PDE8B: variants seen among roughly 807,000 people sequenced by gnomAD.
PDE8B encodes the protein phosphodiesterase 8B.
Under a neutral mutation model 101.3 loss-of-function variants are expected in PDE8B, and 26 were observed. The observed-to-expected ratio is 0.26, with a 90% CI of 0.19 to 0.36. The LOEUF (loss-of-function observed/expected upper bound fraction) is 0.36. PDE8B is among the 10% of genes least tolerant of loss of function. The pLI is 1.00. For missense variants in PDE8B, 810 were observed against 1,163.1 expected (o/e 0.70, Z 4.42); for synonymous variants, 424 against 429.3 (o/e 0.99, Z 0.15).
the PDE8B span, among the ~76,000 whole-genome samples, chr5:77,136,651 C>T: frequency 6.6e-6 from 1 of 152,140 alleles, no homozygotes; most frequent in South Asian, 2.1e-4. Context: ...GGGAGAAACT[C>T]AGATGTCAAT....
At chr5:77,231,550 A>G (rs539464754) in intron 1 of PDE8B, among the ~76,000 whole-genome samples, 93 of 152,330 alleles carry the variant, frequency 6.1e-4, no homozygotes, top group Non-Finnish European at 1.1e-3. Flanking sequence ...TAATGGTAAC[A>G]ATGTCAAAAG....
chr5:77,099,970 G>A, the PDE8B span, among the ~76,000 whole-genome samples: 4 of 152,144 alleles, frequency 2.6e-5, no homozygotes, highest in Non-Finnish European at 4.4e-5. Context: ...GAAAGAAATG[G>A]CTCTTTTCCT....
intron 1 of PDE8B, among the ~76,000 whole-genome samples, chr5:77,308,981 C>A (rs1010108550): frequency 6.6e-6 from 1 of 151,956 alleles, no homozygotes; most frequent in Non-Finnish European, 1.5e-5. Context: ...GAGTTTGAAA[C>A]CACCCTGGCC....
the PDE8B span, among the ~76,000 whole-genome samples, chr5:77,096,253 T>C: frequency 6.6e-6 from 1 of 152,310 alleles, no homozygotes; most frequent in African/African-American, 2.4e-5. Context: ...CCTCCCAAAG[T>C]GTTGGGATTA....
chr5:77,410,765 C>T (rs1401093039), intron 14 of PDE8B: 1 of 152,160 alleles, frequency 6.6e-6, no homozygotes, highest in Non-Finnish European at 1.5e-5. Context: ...GGGAGTCCTT[C>T]ATTAATTAAT....
intron 11 of PDE8B, among the ~76,000 whole-genome samples, chr5:77,403,840 CAG>C (rs1490045836): frequency 1.3e-5 from 2 of 150,480 alleles, no homozygotes; most frequent in Admixed American, 1.3e-4. Flanking sequence ...TTTTTGGAGA[CAG>C]AGTTTCACTC....
At chr5:77,353,503 CATG>C in intron 10 of PDE8B, 97 bp downstream of exon 10, 1 of 810,532 alleles carries the variant, frequency 1.2e-6, no homozygotes, top group East Asian at 2.4e-5. Context: ...TGTCTTTCTC[CATG>C]TCTAATTGTA....
chr5:77,102,601 G>A, the PDE8B span, among the ~76,000 whole-genome samples: 3 of 152,222 alleles, frequency 2.0e-5, no homozygotes, highest in Non-Finnish European at 4.4e-5. Context: ...TGTGACTCCA[G>A]CTTGGGTTCC....
At chr5:77,088,033 T>C in the PDE8B span, 1 of 152,234 alleles carries the variant, frequency 6.6e-6, no homozygotes, top group African/African-American at 2.4e-5. Context: ...ACCCCTCTCT[T>C]AAGGAAGCCT....
intron 1 of PDE8B, among the ~76,000 whole-genome samples, chr5:77,250,448 G>A (rs528058782): frequency 9.2e-5 from 14 of 152,274 alleles, no homozygotes; most frequent in Admixed American, 5.9e-4. Flanking sequence ...ACCTGGGACA[G>A]GGACACTTTT....
At chr5:77,225,635 C>CT (rs1580418728) in intron 1 of PDE8B, among the ~76,000 whole-genome samples, 1 of 151,998 alleles carries the variant, frequency 6.6e-6, no homozygotes, top group Non-Finnish European at 1.5e-5. Flanking sequence ...TGCTTCTGGA[C>CT]TTTTTAAGTG....
intron 8 of PDE8B, among the ~76,000 whole-genome samples, chr5:77,349,998 G>A (rs1221509445): frequency 6.6e-6 from 1 of 152,098 alleles, no homozygotes; most frequent in Non-Finnish European, 1.5e-5. Context: ...TACATTTGTA[G>A]CTTCCTCCTC....
chr5:77,355,982 TC>T (rs1444500700), intron 10 of PDE8B, among the ~76,000 whole-genome samples: 1 of 152,232 alleles, frequency 6.6e-6, no homozygotes, highest in Non-Finnish European at 1.5e-5. Context: ...CTGGCTGCTT[TC>T]ATACTGTGGT....
chr5:77,203,626 T>A, the PDE8B span, among the ~76,000 whole-genome samples: 1 of 152,182 alleles, frequency 6.6e-6, no homozygotes, highest in South Asian at 2.1e-4. Context: ...TACCCCAGTC[T>A]CACTCTATCA....
intron 1 of PDE8B, among the ~76,000 whole-genome samples, chr5:77,228,729 C>T (rs998685122): frequency 2.6e-5 from 4 of 152,098 alleles, no homozygotes; most frequent in African/African-American, 9.7e-5. Flanking sequence ...TGGAGTTCCT[C>T]GTTTGTCAGG....
In PDE8B at chr5:77,232,287, C is replaced by G. The variant is rs556568224; in HGVS notation, c.339+21023C>G. ...TGAAGTCTCTTAAACTTTGTACATTCTCCTTATTTTCCCAATATATTAGTG... is the reference window on the plus strand; with the variant it reads ...TGAAGTCTCTTAAACTTTGTACATTGTCCTTATTTTCCCAATATATTAGTG... On this transcript the variant is annotated intron_variant, in intron 1 of 21. Transcript: ENST00000264917. Among the ~76,000 whole-genome samples the G allele has an allele frequency of 1.4e-4, 21 of 152,334 alleles. No individual in the cohort carries two copies. The South Asian group carries it at 3.9e-3, about 29-fold the overall frequency.
intron 10 of PDE8B, among the ~76,000 whole-genome samples, chr5:77,378,496 A>G (rs543342939): frequency 1.1e-3 from 169 of 150,500 alleles, no homozygotes; most frequent in African/African-American, 4.0e-3. Flanking sequence ...GGCATGTACC[A>G]AAGATCTTTT....
chr5:77,330,779 A>G (rs1403864587), intron 4 of PDE8B, among the ~76,000 whole-genome samples: 2 of 152,228 alleles, frequency 1.3e-5, no homozygotes, highest in East Asian at 3.8e-4. Flanking sequence ...GCATGTCTTC[A>G]TGACAAGCCA....
chr5:77,321,142 A>ATCT (rs1774968166), intron 2 of PDE8B, among the ~76,000 whole-genome samples: 3 of 76,430 alleles, frequency 3.9e-5, no homozygotes, highest in African/African-American at 1.0e-4. Flanking sequence ...CAGTATCTCT[A>ATCT]TTTTTTTTTT....
Sources: gnomAD v4.1 joint callset for allele counts (sites outside exome capture counted in the v4.1 genomes callset) on GRCh38, gnomAD v4.1.1 for gene constraint, MANE v1.5 for transcripts, NCBI Gene and HGNC (gene_info 2026-07-23, HGNC 2026-07-21) for gene names.